RNF157: variants seen among roughly 807,000 people sequenced by gnomAD.
The protein encoded by RNF157 is E3 ubiquitin ligase RNF157.
A neutral mutation model predicts 88.3 loss-of-function variants in RNF157; 55 were observed. The ratio of observed to expected loss-of-function variants is 0.62; its 90% CI spans 0.50 to 0.78. RNF157 has a LOEUF of 0.78. Among genes scored for constraint, RNF157 ranks in the 30% least tolerant of loss-of-function variants. RNF157 has a pLI of 0.00. For missense variants in RNF157, 788 were observed against 860.8 expected, an observed-to-expected ratio of 0.92 and a Z score of 1.06; for synonymous variants, 334 against 341.2, an observed-to-expected ratio of 0.98 and a Z score of 0.23.
At chr17:76,236,994 T>A (rs182302002) in intron 1 of RNF157, among the ~76,000 whole-genome samples, 2 of 152,298 alleles carry the variant, frequency 1.3e-5, no homozygotes, top group African/African-American at 4.8e-5. Flanking sequence ...ACCAGGTGGA[T>A]GGACAACAGC....
chr17:76,157,929 G>C lies in RNF157; in HGVS notation c.1413+464C>G, dbSNP rs2068790719. Among the ~76,000 whole-genome samples the C allele has an allele frequency of 6.6e-6, 1 of 151,420 alleles. No homozygotes were observed. Among genetic ancestry groups the C allele is most frequent in the Non-Finnish European group, 1.5e-5 (1 of 67,880 alleles). On this transcript the variant is annotated intron_variant, in intron 13 of 18. Transcript: ENST00000269391. This position sits in a 1 kb window ranked among gnomAD's most constrained non-coding sequence, Gnocchi z 5.6. ...TTTCTCCTTGCTGTTCCCAGACCTA[G>C]GGCCCTCTCTCCTCGTATATCTGCA...
At position 76,169,358 on chromosome 17, in the gene RNF157, CTT is replaced by C. The variant is rs200531961; in HGVS notation, c.297-1563_297-1562del. ...TTGTGTCCATGAAAGAAAAAGATAA[CTT>C]CTCTCATGTCTTTGAGACTATTAAT... On this transcript the variant is annotated intron_variant, in intron 3 of 18. Transcript: ENST00000269391. Among the ~76,000 whole-genome samples the C allele has an allele frequency of 2.8e-3, 426 of 152,236 alleles. 3 individuals are homozygous for C. Among genetic ancestry groups the C allele is most frequent in the African/African-American group, 9.7e-3 (405 of 41,560 alleles).
chr17:76,180,511 T>TA (rs1568043498), intron 2 of RNF157, among the ~76,000 whole-genome samples: 1 of 152,236 alleles, frequency 6.6e-6, no homozygotes, highest in Admixed American at 6.5e-5. Flanking sequence ...ACTGAGTATC[T>TA]ACTATGTGCC....
intron 2 of RNF157, among the ~76,000 whole-genome samples, chr17:76,177,249 G>A (rs530000649): frequency 1.8e-3 from 281 of 152,152 alleles, no homozygotes; most frequent in African/African-American, 6.3e-3. Flanking sequence ...CAGCAGCCCC[G>A]CCTTGGGCTG....
chr17:76,177,340 G>A (rs1003025552), intron 2 of RNF157, among the ~76,000 whole-genome samples: 1 of 138,230 alleles, frequency 7.2e-6, no homozygotes, highest in African/African-American at 2.7e-5. Context: ...GGAAGTGCCT[G>A]CTCCTGCCGC....
intron 1 of RNF157, chr17:76,226,144 G>T: frequency 6.2e-7 from 1 of 1,603,616 alleles, no homozygotes; most frequent in Non-Finnish European, 8.5e-7. Context: ...GGCTCATACA[G>T]ATGCCACTAT....
At chr17:76,185,660 G>A (rs1408071797) in intron 2 of RNF157, among the ~76,000 whole-genome samples, 3 of 151,778 alleles carry the variant, frequency 2.0e-5, no homozygotes, top group Admixed American at 6.6e-5. Flanking sequence ...CAGTAGAGAC[G>A]GGGTTTCACC....
At chr17:76,170,325 C>T (rs934590590) in intron 3 of RNF157, among the ~76,000 whole-genome samples, 2 of 151,838 alleles carry the variant, frequency 1.3e-5, no homozygotes, top group Non-Finnish European at 2.9e-5. Context: ...CCTCCCTAGG[C>T]CCAGGTGATC....
At chr17:76,154,250 C>T in intron 17 of RNF157, 33 bp downstream of exon 17, 1 of 1,521,502 alleles carries the variant, frequency 6.6e-7, no homozygotes, top group Non-Finnish European at 9.1e-7. Context: ...AGAAAGATAA[C>T]TAAAGGAAGT....
At chr17:76,193,083 T>C (rs2144950873) in intron 2 of RNF157, among the ~76,000 whole-genome samples, 2 of 152,296 alleles carry the variant, frequency 1.3e-5, no homozygotes, top group Middle Eastern at 6.8e-3. Context: ...CCTCCCAACA[T>C]GCTGGGATTA....
intron 1 of RNF157, among the ~76,000 whole-genome samples, chr17:76,214,347 G>T (rs982038496): frequency 2.0e-5 from 3 of 152,150 alleles, no homozygotes; most frequent in African/African-American, 7.2e-5. Flanking sequence ...GTGTATAGGA[G>T]AAACTGAGTT....
At position 76,156,321 on chromosome 17, in the gene RNF157, C is replaced by G. The variant is rs1201417652; in HGVS notation, c.1414G>C (p.Glu472Gln). 1 of 1,614,004 alleles carries G rather than the reference C, an allele frequency of 6.2e-7. No individual in the cohort carries two copies. The highest frequency in any genetic ancestry group is 1.1e-5 in the South Asian group (1 of 91,070). ...TCACTTTCTGGAGTCACACCACATT[C>G]CTGGGGGTTGTGGGGGGACACAACA... ...QRPSVQHLGE[E>Q]CGVTPESENL... Residue 472 changes from glutamate (E) to glutamine (Q), a missense_variant and splice_region_variant, in exon 14 of 19, where the codon GAA becomes CAA. By Grantham distance (29) the Glu-to-Gln change is conservative. Transcript: ENST00000269391.
intron 2 of RNF157, among the ~76,000 whole-genome samples, chr17:76,204,815 C>T (rs2069651074): frequency 6.7e-6 from 1 of 149,564 alleles, no homozygotes; most frequent in South Asian, 2.1e-4. Flanking sequence ...GTCTCACTCT[C>T]ACTCTATCAC....
chr17:76,190,297 G>A lies in RNF157; in HGVS notation c.208-16507C>T, dbSNP rs548764310. The stretch of plus-strand genomic sequence containing the variant: ...TTCCCTTGCCTCAGCCTCCTGAATA[G>A]CTAGGTCCACAGGCACGTGCCACCA... On this transcript the variant is annotated intron_variant, in intron 2 of 18. Transcript: ENST00000269391. 4.0e-5 allele frequency among the ~76,000 whole-genome samples: 6 copies of A among 151,730 alleles called. No homozygotes were observed. The South Asian group carries it at 1.2e-3, about 32-fold the overall frequency.
intron 2 of RNF157, among the ~76,000 whole-genome samples, chr17:76,207,330 G>A (rs886778633): frequency 6.6e-6 from 1 of 152,138 alleles, no homozygotes; most frequent in East Asian, 1.9e-4. Context: ...GACTGAGGCA[G>A]GCAGATCATT....
intron 2 of RNF157, among the ~76,000 whole-genome samples, chr17:76,207,890 C>A (rs1388369207): frequency 3.3e-5 from 5 of 152,154 alleles, no homozygotes; most frequent in Non-Finnish European, 5.9e-5. Context: ...TCTGAAGAGG[C>A]GCTCCAAGAG....
intron 2 of RNF157, among the ~76,000 whole-genome samples, chr17:76,175,176 A>T (rs2069084757): frequency 6.6e-6 from 1 of 152,180 alleles, no homozygotes; most frequent in Non-Finnish European, 1.5e-5. Context: ...GATGTGGTAA[A>T]CATTTTTAAA....
intron 2 of RNF157, chr17:76,202,820 A>T (rs1433252479): frequency 6.5e-6 from 1 of 153,010 alleles, no homozygotes; most frequent in Non-Finnish European, 1.5e-5. Context: ...TAGGGTAGAA[A>T]GTCTGCACCA....
intron 2 of RNF157, among the ~76,000 whole-genome samples, chr17:76,188,675 T>G (rs2069333550): frequency 1.3e-5 from 2 of 152,224 alleles, no homozygotes; most frequent in South Asian, 4.1e-4. Context: ...AGTCTGGTCA[T>G]TAATACAAAC....
Sources: gnomAD v4.1 joint callset for allele counts (sites outside exome capture counted in the v4.1 genomes callset) on GRCh38, gnomAD v4.1.1 for gene constraint, Gnocchi (gnomAD v3.1) non-coding constraint, MANE v1.5 for transcripts, NCBI Gene and HGNC (gene_info 2026-07-23, HGNC 2026-07-21) for gene names.